FRYL: variants seen among roughly 807,000 people sequenced by gnomAD.
FRYL encodes FRY like transcription coactivator, also known as protein furry homolog-like.
In FRYL, 150 loss-of-function variants were observed where a neutral mutation model predicts 351.2. The observed-to-expected ratio is 0.43, with a 90% CI of 0.37 to 0.49. The LOEUF (loss-of-function observed/expected upper bound fraction) is 0.49. Among genes scored for constraint, FRYL ranks in the 20% least tolerant of loss-of-function variants. FRYL has a pLI of 0.00. For missense variants in FRYL, 3,036 were observed against 3,619.3 expected (o/e 0.84, Z 4.13); for synonymous variants, 1,153 against 1,257.1 (o/e 0.92, Z 1.75).
intron 3 of FRYL, chr4:48,637,280 C>A (rs1754428423): frequency 6.6e-6 from 1 of 151,814 alleles, no homozygotes; most frequent in African/African-American, 2.4e-5. Flanking sequence ...CAAAGTTGTC[C>A]CCCTCAACTT....
At chr4:48,518,422 C>T (rs1318606098) in intron 55 of FRYL, among the ~76,000 whole-genome samples, 3 of 152,212 alleles carry the variant, frequency 2.0e-5, no homozygotes, top group Admixed American at 1.3e-4. Context: ...GACTTCACTA[C>T]CAACAATGAG....
chr4:48,551,546 G>T lies in FRYL; in HGVS notation c.4468C>A (p.Pro1490Thr). 1 of 1,611,558 alleles carries T rather than the reference G, an allele frequency of 6.2e-7. No homozygotes were observed. Among genetic ancestry groups the T allele is most frequent in the Non-Finnish European group, 8.5e-7 (1 of 1,178,160 alleles). The change falls in exon 37 of 64, where the codon CCC becomes ACC. Residue 1490 changes from proline (P) to threonine (T), a missense_variant. Pro to Thr is a conservative substitution (Grantham distance 38, BLOSUM62 -1). Transcript: ENST00000358350. Reference sequence around the variant, plus strand: ...TTATTATCAGGATTGCCATCTGTGGGAGCTACCATTGTATTGCTACTGGAA... The same window carrying T: ...TTATTATCAGGATTGCCATCTGTGGTAGCTACCATTGTATTGCTACTGGAA... The part of the protein sequence containing the change: ...TTSSSNTMVA[P>T]TDGNPDNKPI...
chr4:48,689,958 G>A (rs1405439025), intron 2 of FRYL, among the ~76,000 whole-genome samples: 1 of 147,746 alleles, frequency 6.8e-6, no homozygotes, highest in African/African-American at 2.5e-5. Flanking sequence ...GTGCAGTGGC[G>A]TAATCTCGGC....
At chr4:48,743,965 T>C (rs1772398420) in intron 1 of FRYL, among the ~76,000 whole-genome samples, 1 of 152,208 alleles carries the variant, frequency 6.6e-6, no homozygotes, top group South Asian at 2.1e-4. Context: ...CACCCCCATA[T>C]ACATGTGTAC....
chr4:48,596,867 T>C (rs1242666442), intron 13 of FRYL, among the ~76,000 whole-genome samples: 1 of 152,088 alleles, frequency 6.6e-6, no homozygotes, highest in Non-Finnish European at 1.5e-5. Flanking sequence ...TTTTTTTTTT[T>C]TACGGAGAAA....
At chr4:48,568,966 G>A (rs946105288) in intron 27 of FRYL, among the ~76,000 whole-genome samples, 8 of 151,968 alleles carry the variant, frequency 5.3e-5, no homozygotes, top group Non-Finnish European at 7.4e-5. Context: ...ATTTTTTTCC[G>A]TAGCCATGAA....
chr4:48,553,420 A>C, intron 35 of FRYL, 37 bp from the exon 36 acceptor site: 1 of 1,505,306 alleles, frequency 6.6e-7, no homozygotes, highest in Non-Finnish European at 9.1e-7. Flanking sequence ...AGAAAAAGCA[A>C]AGTTTTTATC....
chr4:48,593,733 T>C (rs2149219381), intron 16 of FRYL, among the ~76,000 whole-genome samples, 197 bp downstream of exon 16: 1 of 152,252 alleles, frequency 6.6e-6, no homozygotes, highest in African/African-American at 2.4e-5. Context: ...AGCAAAACTC[T>C]GTCTCAAACA....
chr4:48,715,140 T>C (rs1768618599), intron 1 of FRYL, among the ~76,000 whole-genome samples: 1 of 151,960 alleles, frequency 6.6e-6, no homozygotes, highest in Non-Finnish European at 1.5e-5. Context: ...ATAAGAGCTA[T>C]CTATGACAAA....
chr4:48,586,199 A>AG (rs947637832), intron 19 of FRYL, among the ~76,000 whole-genome samples: 29 of 152,334 alleles, frequency 1.9e-4, no homozygotes, highest in Non-Finnish European at 2.5e-4. Context: ...GTTCTGCCAT[A>AG]GGGGGAAAAA....
At chr4:48,608,513 A>G (rs1747334073) in intron 9 of FRYL, among the ~76,000 whole-genome samples, 1 of 152,186 alleles carries the variant, frequency 6.6e-6, no homozygotes, top group African/African-American at 2.4e-5. Context: ...TAATGAATTA[A>G]CAGTTTTAAT....
intron 53 of FRYL, among the ~76,000 whole-genome samples, chr4:48,526,142 AGTATAT>A (rs1190679482): frequency 3.9e-5 from 6 of 152,280 alleles, no homozygotes; most frequent in Non-Finnish European, 7.4e-5. Context: ...GTATATGAAT[AGTATAT>A]GTATATGTAT....
chr4:48,700,466 C>T (rs986980082), intron 2 of FRYL, among the ~76,000 whole-genome samples: 1 of 152,084 alleles, frequency 6.6e-6, no homozygotes, highest in African/African-American at 2.4e-5. Flanking sequence ...AAACCATGAG[C>T]TACAATGAAT....
In FRYL at chr4:48,702,196, C is replaced by CT. The variant is rs1286220441; in HGVS notation, c.-204+8322dup. Among the ~76,000 whole-genome samples, 13 of 152,048 alleles carry CT rather than the reference C, an allele frequency of 8.5e-5. No individual in the cohort carries two copies. In the East Asian group the frequency reaches 2.5e-3, roughly 29 times the overall value. ...ATAGGCCAGGTATGGTGGCTCATGC[C>CT]TGTAATCCCAGCACTTTGGGAGGCT... is the stretch of plus-strand genomic sequence containing the variant. On this transcript the variant is annotated intron_variant, in intron 2 of 63. Transcript: ENST00000358350.
intron 2 of FRYL, among the ~76,000 whole-genome samples, chr4:48,690,411 TG>T (rs560957965): frequency 4.5e-4 from 68 of 152,260 alleles, no homozygotes; most frequent in African/African-American, 1.5e-3. Flanking sequence ...TGGCTTCATA[TG>T]GAGACTTTCT....
chr4:48,585,592 G>A (rs1021771359), intron 19 of FRYL, among the ~76,000 whole-genome samples: 9 of 152,308 alleles, frequency 5.9e-5, no homozygotes, highest in Middle Eastern at 3.4e-3. Context: ...TGGCTCAAGG[G>A]CTAAATCCAG....
At chr4:48,711,772 T>C (rs1768077000) in intron 1 of FRYL, among the ~76,000 whole-genome samples, 1 of 152,092 alleles carries the variant, frequency 6.6e-6, no homozygotes, top group South Asian at 2.1e-4. Context: ...CTCAAGTGGG[T>C]CCCTGACCCC....
chr4:48,635,629 T>A (rs1263455674), intron 3 of FRYL, among the ~76,000 whole-genome samples: 2 of 152,226 alleles, frequency 1.3e-5, no homozygotes, highest in African/African-American at 4.8e-5. Context: ...TTCTTCTGAC[T>A]GCCTGGGCAG....
Position 48,512,504 on chromosome 4 carries a change from G to A in FRYL, c.8122C>T (p.His2708Tyr). 1.2e-6 allele frequency: 2 copies of A among 1,613,660 alleles called. No individual in the cohort carries two copies. Among genetic ancestry groups the A allele is most frequent in the Non-Finnish European group, 1.7e-6 (2 of 1,179,656 alleles). The change falls in exon 57 of 64, where the codon CAT (histidine) becomes TAT (tyrosine). Residue 2708 changes from histidine (H) to tyrosine (Y), a missense_variant. Around this residue, in one of 7 missense-constraint regions of FRYL, gnomAD observed 1,987 missense variants for 2,311.7 expected, o/e 0.86. Coordinates refer to ENST00000358350, the MANE Select transcript of FRYL (RefSeq NM_015030.2). ...ACCTGAAACAGCCTAGAAAACACAT[G>A]AAAAGTAAACACTGCAGAGGACCCG... ...TDGSSAVFTF[H>Y]VFSRLFQTIQ...
Sources: allele counts gnomAD v4.1 joint callset (sites outside exome capture counted in the v4.1 genomes callset), GRCh38; gene constraint gnomAD v4.1.1; regional missense constraint gnomAD v4.1.1; transcripts MANE v1.5; gene names NCBI Gene and HGNC (gene_info 2026-07-23, HGNC 2026-07-21).